Variants in CFAP53 observed in about 807,000 individuals in gnomAD.
CFAP53 encodes cilia- and flagella-associated protein 53.
Under a neutral mutation model 59.7 loss-of-function variants are expected in CFAP53, and 62 were observed. The ratio of observed to expected loss-of-function variants is 1.04; its 90% CI spans 0.85 to 1.28. CFAP53 has a LOEUF of 1.28. CFAP53 is among the 50% of genes most tolerant of loss of function. The pLI, the probability that CFAP53 is intolerant of heterozygous loss-of-function variation, is 0.00. For missense variants in CFAP53, 629 were observed against 615.6 expected (o/e 1.02, Z -0.23); for synonymous variants, 218 against 205.7 (o/e 1.06, Z -0.51).
intron 5 of CFAP53, among the ~76,000 whole-genome samples, chr18:50,248,323 C>T (rs1412287159): frequency 6.6e-6 from 1 of 152,116 alleles, no homozygotes; most frequent in African/African-American, 2.4e-5. Context: ...AGTGATAGCA[C>T]CAAATGCTGG....
At chr18:50,244,155 C>G (rs1424074681) in intron 5 of CFAP53, among the ~76,000 whole-genome samples, 3 of 152,130 alleles carry the variant, frequency 2.0e-5, no homozygotes, top group Non-Finnish European at 4.4e-5. Flanking sequence ...TCATCCAATA[C>G]CAAGGTTGTA....
In CFAP53 at chr18:50,227,580, T is replaced by C; in HGVS notation, c.1346A>G (p.Lys449Arg). 1 of 1,614,188 alleles carries C rather than the reference T, an allele frequency of 6.2e-7. No individual in the cohort carries two copies. The highest frequency in any genetic ancestry group is 1.7e-5 in the Admixed American group (1 of 60,022). ...RRQRLAQEYR[K>R]QLQMQIAYQQ... is the part of the protein sequence containing the mutation. ...GTAGGCGATTTGCATCTGAAGTTGC[T>C]TCCTGTACTCCTGGGCTAAACGTTG... Residue 449 changes from lysine (K) to arginine (R), a missense_variant, in exon 8 of 8, where the codon AAG (lysine) becomes AGG (arginine). By Grantham distance (26) the Lys-to-Arg change is conservative. Coordinates refer to ENST00000398545, the MANE Select transcript of CFAP53 (RefSeq NM_145020.5).
intron 6 of CFAP53, among the ~76,000 whole-genome samples, chr18:50,241,231 A>G: frequency 6.6e-6 from 1 of 152,228 alleles, no homozygotes; most frequent in East Asian, 1.9e-4. Context: ...AATACCTAGT[A>G]ACCAATGTGG....
At chr18:50,251,295 C>T (rs140951928) in intron 4 of CFAP53, among the ~76,000 whole-genome samples, 186 bp downstream of exon 4, 249 of 152,340 alleles carry the variant, frequency 1.6e-3, no homozygotes, top group African/African-American at 5.5e-3. Context: ...GCCTTCCACA[C>T]TTGACCCTTC....
At chr18:50,239,416 GA>G (rs1262156377) in intron 6 of CFAP53, among the ~76,000 whole-genome samples, 1 of 151,188 alleles carries the variant, frequency 6.6e-6, no homozygotes, top group Non-Finnish European at 1.5e-5. Flanking sequence ...CATCCCAATA[GA>G]AAAAAAAGAC....
chr18:50,235,159 G>A (rs911926133), intron 7 of CFAP53, among the ~76,000 whole-genome samples: 1 of 152,166 alleles, frequency 6.6e-6, no homozygotes, highest in Admixed American at 6.5e-5. Flanking sequence ...AGACATCAAA[G>A]TATTAGAGGG....
At chr18:50,238,066 A>C (rs2033654986) in intron 7 of CFAP53, among the ~76,000 whole-genome samples, 1 of 152,218 alleles carries the variant, frequency 6.6e-6, no homozygotes, top group Non-Finnish European at 1.5e-5. Flanking sequence ...CCAGCCTAAT[A>C]ACTTATGTGT....
At chr18:50,241,630 T>C (rs926770856) in intron 6 of CFAP53, among the ~76,000 whole-genome samples, 2 of 152,036 alleles carry the variant, frequency 1.3e-5, no homozygotes, top group Admixed American at 1.3e-4. Flanking sequence ...TGTCATCACA[T>C]ATTGGCAGGA....
At chr18:50,252,684 C>T (rs1209650856) in intron 3 of CFAP53, among the ~76,000 whole-genome samples, 1 of 152,176 alleles carries the variant, frequency 6.6e-6, no homozygotes, top group Non-Finnish European at 1.5e-5. Flanking sequence ...GCTGGGATTA[C>T]AGGCATGAGC....
intron 3 of CFAP53, chr18:50,255,892 T>G (rs1373873747): frequency 1.3e-5 from 2 of 152,148 alleles, no homozygotes; most frequent in African/African-American, 4.8e-5. Context: ...AGGAAAATTT[T>G]CATTCTGCTT....
intron 7 of CFAP53, among the ~76,000 whole-genome samples, chr18:50,229,873 A>G (rs1047973644): frequency 6.6e-6 from 1 of 151,208 alleles, no homozygotes; most frequent in Non-Finnish European, 1.5e-5. Context: ...TCAGCATCCC[A>G]GGTATTTGGG....
At chr18:50,237,327 A>AAAAAAT (rs2033644797) in intron 7 of CFAP53, among the ~76,000 whole-genome samples, 2 of 7,950 alleles carry the variant, frequency 2.5e-4, no homozygotes, top group East Asian at 9.1e-3. Flanking sequence ...AAAAAAAAAA[A>AAAAAAT]AAATATATAT....
chr18:50,262,165 G>T lies in CFAP53; in HGVS notation c.124C>A (p.Arg42Ser). Reference protein sequence around the residue: ...GAEHHLERIRRSHQKHNAILA... With the variant: ...GAEHHLERIRSSHQKHNAILA... ...ATAGCATTATGCTTCTGATGGCTGCGTCGGATTCTTTCTAGATGGTGCTCA... is the reference window on the plus strand; with the variant it reads ...ATAGCATTATGCTTCTGATGGCTGCTTCGGATTCTTTCTAGATGGTGCTCA... Residue 42 changes from arginine to serine, a missense_variant, in exon 2 of 8, where the codon CGC becomes AGC. Physicochemically the swap from Arg to Ser is moderately radical, Grantham distance 110 (BLOSUM62 -1). Transcript: ENST00000398545. 1 of 1,614,174 alleles carries T rather than the reference G, an allele frequency of 6.2e-7. No individual in the cohort carries two copies. The highest frequency in any genetic ancestry group is 8.5e-7 in the Non-Finnish European group (1 of 1,180,024).
chr18:50,242,973 T>G lies in CFAP53; in HGVS notation c.1140A>C (p.Arg380Ser). 6.2e-7 allele frequency: 1 copy of G among 1,614,094 alleles called. No homozygotes were observed. The highest frequency in any genetic ancestry group is 8.5e-7 in the Non-Finnish European group (1 of 1,180,020). Reference sequence around the variant, plus strand: ...GCTGTCTCCTTGCCTCCTTTTCAAGTCTCAGCTCCTTGTCCTTCTCAGCCA... The same window carrying G: ...GCTGTCTCCTTGCCTCCTTTTCAAGGCTCAGCTCCTTGTCCTTCTCAGCCA... ...KKLAEKDKEL[R>S]LEKEARRQLV... Residue 380 changes from arginine (R) to serine (S), a missense_variant, in exon 6 of 8, where the codon AGA (arginine) becomes AGC (serine). By Grantham distance (110) the Arg-to-Ser change is moderately radical (BLOSUM62 -1). Coordinates refer to ENST00000398545, the MANE Select transcript of CFAP53 (RefSeq NM_145020.5).
intron 3 of CFAP53, among the ~76,000 whole-genome samples, chr18:50,252,981 G>A (rs9965706): frequency 0.64 from 97,987 of 151,928 alleles, 32,023 homozygotes; most frequent in East Asian, 0.78. Context: ...ATACCAATGC[G>A]TTCTAACCTG....
intron 7 of CFAP53, among the ~76,000 whole-genome samples, chr18:50,231,101 C>T (rs2033579543): frequency 2.0e-5 from 3 of 152,162 alleles, no homozygotes; most frequent in South Asian, 2.1e-4. Flanking sequence ...TCAAATGCTT[C>T]GATTTATCAT....
chr18:50,231,484 G>T (rs1158162980), intron 7 of CFAP53, among the ~76,000 whole-genome samples: 1 of 152,184 alleles, frequency 6.6e-6, no homozygotes, highest in Non-Finnish European at 1.5e-5. Context: ...AGAGACAATT[G>T]TAGGTCTCTA....
At position 50,261,172 on chromosome 18, in the gene CFAP53, GTTTC is replaced by G; in HGVS notation, c.361_364del (p.Glu121ProfsTer9). The G allele has an allele frequency of 6.5e-7, 1 of 1,540,340 alleles. No homozygotes were observed. Among genetic ancestry groups the G allele is most frequent in the East Asian group, 2.5e-5 (1 of 40,788 alleles). On this transcript the variant is annotated frameshift_variant, in exon 3 of 8. Coordinates refer to ENST00000398545, the MANE Select transcript of CFAP53 (RefSeq NM_145020.5). LOFTEE classifies it high-confidence loss of function. ...CATCCTATCTTTTTTCTCCTCAATG[GTTTC>G]TTTCTTCAATTGCATTTCTGTAAAA... is the stretch of plus-strand genomic sequence containing the variant.
At chr18:50,254,264 T>C (rs548575333) in intron 3 of CFAP53, among the ~76,000 whole-genome samples, 8 of 141,058 alleles carry the variant, frequency 5.7e-5, no homozygotes, top group Admixed American at 3.5e-4. Flanking sequence ...ACTTAGCAGC[T>C]AAAACAAGCT....
Sources: allele counts gnomAD v4.1 joint callset (sites outside exome capture counted in the v4.1 genomes callset), GRCh38; gene constraint gnomAD v4.1.1; transcripts MANE v1.5; gene names NCBI Gene and HGNC (gene_info 2026-07-23, HGNC 2026-07-21).